The following PRKD3 variants were observed in gnomAD, a reference collection of about 807,000 sequenced individuals.
PRKD3 encodes the protein serine/threonine-protein kinase D3.
In PRKD3, 47 loss-of-function variants were observed where a neutral mutation model predicts 99.2. The ratio of observed to expected loss-of-function variants is 0.47; its 90% CI spans 0.38 to 0.60. The LOEUF (loss-of-function observed/expected upper bound fraction) is 0.60. PRKD3 is among the 20% of genes least tolerant of loss of function. PRKD3 has a pLI of 0.00. For missense variants in PRKD3, 1,019 were observed against 1,088.4 expected, an observed-to-expected ratio of 0.94 and a Z score of 0.90; for synonymous variants, 392 against 355.4, an observed-to-expected ratio of 1.10 and a Z score of -1.16.
intron 2 of PRKD3, among the ~76,000 whole-genome samples, chr2:37,301,823 CTAT>C (rs1490889306): frequency 1.3e-5 from 2 of 152,158 alleles, no homozygotes; most frequent in Admixed American, 1.3e-4. Flanking sequence ...TTGTCACTGG[CTAT>C]TATTTAGTTT....
intron 13 of PRKD3, chr2:37,267,793 A>G: frequency 2.6e-6 from 1 of 392,070 alleles, no homozygotes; most frequent in Non-Finnish European, 4.6e-6. Context: ...GCTGAAAAGT[A>G]ATCTACCTTG....
chr2:37,265,814 T>C lies in PRKD3; in HGVS notation c.1884+1616A>G, dbSNP rs553307969. 8.8e-4 allele frequency among the ~76,000 whole-genome samples: 134 copies of C among 152,300 alleles called. 2 individuals are homozygous for C. The highest frequency in any genetic ancestry group is 3.1e-3 in the African/African-American group (128 of 41,568). On this transcript the variant is annotated intron_variant, in intron 14 of 18. Transcript: ENST00000234179. The stretch of plus-strand genomic sequence containing the variant: ...ATTGATGAAAGTAACCAAAATGATA[T>C]AATAATGAAGTTTTTCATACTGTGC...
intron 2 of PRKD3, among the ~76,000 whole-genome samples, chr2:37,302,110 C>G (rs1670956272): frequency 2.0e-5 from 3 of 152,172 alleles, no homozygotes; most frequent in Admixed American, 1.3e-4. Flanking sequence ...GAAAACCAGA[C>G]AAGTCCATAA....
intron 14 of PRKD3, among the ~76,000 whole-genome samples, chr2:37,267,151 G>A (rs1668900109): frequency 6.6e-6 from 1 of 152,138 alleles, no homozygotes; most frequent in Non-Finnish European, 1.5e-5. Context: ...AACTGGATGG[G>A]TAAAACAGCA....
chr2:37,259,223 C>A (rs757642803), intron 16 of PRKD3, among the ~76,000 whole-genome samples: 1 of 152,144 alleles, frequency 6.6e-6, no homozygotes, highest in Non-Finnish European at 1.5e-5. Context: ...CCTGCCTCAA[C>A]CAAAATCTAT....
intron 2 of PRKD3, among the ~76,000 whole-genome samples, chr2:37,296,261 T>C (rs1433768719): frequency 6.6e-6 from 1 of 152,106 alleles, no homozygotes; most frequent in Non-Finnish European, 1.5e-5. Flanking sequence ...AATTAATGTA[T>C]GACTTGGAAA....
intron 2 of PRKD3, among the ~76,000 whole-genome samples, chr2:37,303,197 G>A (rs563230819): frequency 9.2e-5 from 14 of 152,110 alleles, no homozygotes; most frequent in Admixed American, 3.3e-4. Context: ...TTACCTGCCC[G>A]TCCCGTCCCC....
intron 7 of PRKD3, 87 bp from the exon 8 acceptor site, chr2:37,280,016 G>C: frequency 2.6e-6 from 2 of 780,336 alleles, no homozygotes; most frequent in South Asian, 1.9e-5. Context: ...GTCTTAAAAT[G>C]TAAGAAAATA....
intron 14 of PRKD3, among the ~76,000 whole-genome samples, chr2:37,261,361 T>C (rs1668430402): frequency 1.3e-5 from 2 of 152,046 alleles, no homozygotes; most frequent in Admixed American, 6.6e-5. Context: ...GTGACAGGTA[T>C]CTGTAAACCC....
intron 2 of PRKD3, among the ~76,000 whole-genome samples, chr2:37,299,511 TACACACACACAC>T (rs70949749): frequency 0.025 from 3,312 of 132,578 alleles, 57 homozygotes; most frequent in Middle Eastern, 0.055. Context: ...TCTACTAAAA[TACACACACACAC>T]ACACACACAC....
At chr2:37,286,991 G>T (rs1296516463) in intron 5 of PRKD3, among the ~76,000 whole-genome samples, 1 of 151,974 alleles carries the variant, frequency 6.6e-6, no homozygotes, top group Non-Finnish European at 1.5e-5. Context: ...AACACTTTGG[G>T]AGGCCGAGGT....
chr2:37,321,847 A>C (rs919164139), intron 1 of PRKD3, among the ~76,000 whole-genome samples: 3 of 152,252 alleles, frequency 2.0e-5, no homozygotes, highest in Admixed American at 6.5e-5. Context: ...AAAGAGACAG[A>C]CAAAAGGATT....
chr2:37,273,377 G>A (rs1299932128), intron 11 of PRKD3, among the ~76,000 whole-genome samples: 2 of 152,004 alleles, frequency 1.3e-5, no homozygotes, highest in Non-Finnish European at 2.9e-5. Context: ...CATGTACACA[G>A]TTGTCATGAT....
chr2:37,267,625 C>G, intron 13 of PRKD3, 89 bp from the exon 14 acceptor site: 1 of 966,512 alleles, frequency 1.0e-6, no homozygotes, highest in Non-Finnish European at 1.6e-6. Context: ...TATGTATTTA[C>G]TCTTGAATTT....
At chr2:37,275,663 C>T (rs963890781) in intron 10 of PRKD3, 104 bp downstream of exon 10, 20 of 1,237,592 alleles carry the variant, frequency 1.6e-5, no homozygotes, top group Admixed American at 3.1e-5. Flanking sequence ...ATAAACCATA[C>T]TAGCTAGAGT....
chr2:37,274,755 A>G (rs1572647702), intron 10 of PRKD3, 58 bp from the exon 11 acceptor site: 6 of 1,482,290 alleles, frequency 4.0e-6, no homozygotes, highest in Non-Finnish European at 4.6e-6. Flanking sequence ...TTATTTTTAA[A>G]TACACTAAAG....
intron 17 of PRKD3, among the ~76,000 whole-genome samples, chr2:37,256,080 G>C (rs149713662): frequency 6.6e-6 from 1 of 152,148 alleles, no homozygotes; most frequent in Non-Finnish European, 1.5e-5. Flanking sequence ...CAGTGTAGAG[G>C]AGTAGTCAGG....
intron 2 of PRKD3, among the ~76,000 whole-genome samples, chr2:37,308,615 T>C (rs1327760599): frequency 9.4e-5 from 14 of 148,760 alleles, no homozygotes; most frequent in African/African-American, 3.0e-4. Context: ...CCACCACACC[T>C]GGCTAGTTTT....
chr2:37,273,901 G>C (rs1329424440), intron 11 of PRKD3, among the ~76,000 whole-genome samples: 3 of 152,190 alleles, frequency 2.0e-5, no homozygotes, highest in Admixed American at 2.0e-4. Context: ...ACATGTTTCA[G>C]TGATTTTTAA....
Sources: allele counts gnomAD v4.1 joint callset (sites outside exome capture counted in the v4.1 genomes callset), GRCh38; gene constraint gnomAD v4.1.1; transcripts MANE v1.5; gene names NCBI Gene and HGNC (gene_info 2026-07-23, HGNC 2026-07-21).